Variants in GPR158 observed in about 807,000 individuals in gnomAD.
GPR158 encodes metabotropic glycine receptor.
GPR158 carries 30 observed loss-of-function variants against 78.2 expected under a neutral mutation model. The ratio of observed to expected loss-of-function variants is 0.38; its 90% CI spans 0.29 to 0.52. The LOEUF is 0.52. GPR158 is among the 20% of genes least tolerant of loss of function. The probability of loss-of-function intolerance (pLI) is 0.83; values close to 1 mark genes in which losing one functional copy is unlikely to be tolerated. For synonymous variants in GPR158, 581 were observed against 591.1 expected (o/e 0.98, Z 0.25); for missense variants, 1,463 against 1,523.5 (o/e 0.96, Z 0.66).
intron 1 of GPR158, among the ~76,000 whole-genome samples, chr10:25,209,505 C>T (rs1263667521): frequency 2.0e-5 from 3 of 151,910 alleles, no homozygotes; most frequent in Admixed American, 2.0e-4. Context: ...GAGTGATATC[C>T]TGTGCTTTGC....
intron 2 of GPR158, among the ~76,000 whole-genome samples, chr10:25,330,941 T>C (rs1359603172): frequency 6.6e-6 from 1 of 152,178 alleles, no homozygotes; most frequent in Non-Finnish European, 1.5e-5. Flanking sequence ...TTTTAAAATA[T>C]TTTGTTTATT....
At chr10:25,433,614 G>C (rs1834951372) in intron 4 of GPR158, among the ~76,000 whole-genome samples, 1 of 151,284 alleles carries the variant, frequency 6.6e-6, no homozygotes, top group Admixed American at 6.6e-5. Flanking sequence ...TCAAGGTGGT[G>C]GTAAGGGTAA....
chr10:25,224,580 T>C (rs1303638718), intron 2 of GPR158, among the ~76,000 whole-genome samples: 2 of 151,988 alleles, frequency 1.3e-5, no homozygotes, highest in Admixed American at 1.3e-4. Context: ...GTTATGATTA[T>C]GTCACAATTT....
chr10:25,291,310 A>G (rs569576973), intron 2 of GPR158, among the ~76,000 whole-genome samples: 30 of 152,218 alleles, frequency 2.0e-4, no homozygotes, highest in Admixed American at 5.9e-4. Flanking sequence ...CCATAGATTT[A>G]TCTTTGAGCA....
At chr10:25,276,173 C>T (rs573840798) in intron 2 of GPR158, among the ~76,000 whole-genome samples, 2 of 152,264 alleles carry the variant, frequency 1.3e-5, no homozygotes, top group African/African-American at 2.4e-5. Context: ...GGTGTCAAGA[C>T]GTGGTACATT....
At chr10:25,453,045 A>T (rs973000004) in intron 4 of GPR158, among the ~76,000 whole-genome samples, 12 of 152,188 alleles carry the variant, frequency 7.9e-5, no homozygotes, top group African/African-American at 2.9e-4. Context: ...GTTGTCACAA[A>T]TGACAGGATT....
chr10:25,487,993 G>A (rs1835756815), intron 5 of GPR158, among the ~76,000 whole-genome samples: 1 of 152,088 alleles, frequency 6.6e-6, no homozygotes, highest in Non-Finnish European at 1.5e-5. Context: ...TTATTAAATG[G>A]AAGTATTAGA....
intron 1 of GPR158, among the ~76,000 whole-genome samples, chr10:25,212,876 C>G (rs537857966): frequency 6.6e-6 from 1 of 152,186 alleles, no homozygotes; most frequent in Admixed American, 6.5e-5. Flanking sequence ...GTGATCCACC[C>G]GCCTTGGCCT....
intron 2 of GPR158, among the ~76,000 whole-genome samples, chr10:25,349,274 T>C: frequency 6.6e-6 from 1 of 151,904 alleles, no homozygotes; most frequent in Middle Eastern, 3.2e-3. Context: ...ACTCTGACCC[T>C]CCTACCTTCC....
At chr10:25,543,274 C>A (rs570757156) in intron 5 of GPR158, among the ~76,000 whole-genome samples, 2 of 152,044 alleles carry the variant, frequency 1.3e-5, no homozygotes, top group African/African-American at 2.4e-5. Flanking sequence ...GTGTTCACCA[C>A]CCTGCCCAGC....
At chr10:25,462,196 G>A (rs1835366280) in intron 4 of GPR158, among the ~76,000 whole-genome samples, 1 of 152,200 alleles carries the variant, frequency 6.6e-6, no homozygotes, top group South Asian at 2.1e-4. Context: ...TAAGAATCAT[G>A]CTAAACCAAC....
In GPR158 at chr10:25,395,987, G is replaced by A. The variant is rs769239585; in HGVS notation, c.1085G>A (p.Gly362Glu). Residue 362 changes from glycine (G) to glutamate (E), a missense_variant, in exon 3 of 11, where the codon GGA becomes GAA. Transcript: ENST00000376351. ...TGCAAAGCAGGATTCTATCATCCTG[G>A]AGTCTTACCAGTGAACAACTTTCGG... ...CICKAGFYHPGVLPVNNFRRR... is the reference protein window; with the variant it reads ...CICKAGFYHPEVLPVNNFRRR... 4.4e-6 allele frequency: 7 copies of A among 1,599,208 alleles called. No individual in the cohort carries two copies. The highest frequency in any genetic ancestry group is 6.0e-6 in the Non-Finnish European group (7 of 1,166,696).
At chr10:25,459,010 C>A (rs1232299600) in intron 4 of GPR158, among the ~76,000 whole-genome samples, 1 of 152,156 alleles carries the variant, frequency 6.6e-6, no homozygotes, top group Non-Finnish European at 1.5e-5. Context: ...CATAAGCTAA[C>A]TACATGCAGT....
intron 5 of GPR158, chr10:25,475,867 G>T (rs1835576914): frequency 6.6e-6 from 1 of 152,064 alleles, no homozygotes. Context: ...AGGCTTTGTG[G>T]ATATTCACTG....
intron 2 of GPR158, among the ~76,000 whole-genome samples, chr10:25,229,456 G>A (rs1026313835): frequency 3.3e-5 from 5 of 152,054 alleles, no homozygotes; most frequent in African/African-American, 7.2e-5. Flanking sequence ...TAACACTAAC[G>A]ATGGCTGCAA....
chr10:25,349,053 G>A (rs974203870), intron 2 of GPR158, among the ~76,000 whole-genome samples: 3 of 152,000 alleles, frequency 2.0e-5, no homozygotes, highest in Non-Finnish European at 4.4e-5. Context: ...CAATATAAAT[G>A]TATCTTAGAG....
In GPR158 at chr10:25,599,392, A is replaced by G. The variant is rs866499225; in HGVS notation, c.*118A>G. Reference sequence around the variant, plus strand: ...ATCAAGGAAAACATGACAGATGGTGAGGTAAAGTCAAAGGCATGGGTAGAA... The same window carrying G: ...ATCAAGGAAAACATGACAGATGGTGGGGTAAAGTCAAAGGCATGGGTAGAA... On this transcript the variant is annotated 3_prime_UTR_variant, in exon 11 of 11. Coordinates refer to ENST00000376351, the MANE Select transcript of GPR158 (RefSeq NM_020752.3). 5.0e-6 allele frequency: 4 copies of G among 799,562 alleles called. No homozygotes were observed. The South Asian group carries it at 7.3e-5, about 15-fold the overall frequency. 49.5% of individuals were successfully genotyped at this position (799,562 alleles called of 1,614,324 possible).
intron 2 of GPR158, among the ~76,000 whole-genome samples, chr10:25,254,502 G>T (rs535013203): frequency 6.6e-6 from 1 of 152,182 alleles, no homozygotes; most frequent in African/African-American, 2.4e-5. Context: ...AATAATTTCC[G>T]TGTAGTCACT....
chr10:25,261,050 T>A (rs890278170), intron 2 of GPR158, among the ~76,000 whole-genome samples: 2 of 152,198 alleles, frequency 1.3e-5, no homozygotes, highest in Non-Finnish European at 2.9e-5. Flanking sequence ...TGAGCTGTCC[T>A]ACCTGATCAT....
Sources: gnomAD v4.1 joint callset for allele counts (sites outside exome capture counted in the v4.1 genomes callset) on GRCh38, gnomAD v4.1.1 for gene constraint, MANE v1.5 for transcripts, NCBI Gene and HGNC (gene_info 2026-07-23, HGNC 2026-07-21) for gene names.